Variants in SYN3 observed in about 807,000 individuals in gnomAD.
SYN3 encodes synapsin-3.
A neutral mutation model predicts 65.8 loss-of-function variants in SYN3; 35 were observed. The observed-to-expected ratio is 0.53, with a 90% CI of 0.41 to 0.70. The LOEUF (loss-of-function observed/expected upper bound fraction) is 0.70, where lower values mean the gene tolerates loss of function less well. Among genes scored for constraint, SYN3 ranks in the 30% least tolerant of loss-of-function variants. The pLI is 0.00. For synonymous variants in SYN3, 270 were observed against 292.9 expected, an observed-to-expected ratio of 0.92 and a Z score of 0.80; for missense variants, 680 against 749.0, an observed-to-expected ratio of 0.91 and a Z score of 1.08.
At chr22:32,984,620 T>G (rs1390656061) in intron 2 of SYN3, among the ~76,000 whole-genome samples, 1 of 152,066 alleles carries the variant, frequency 6.6e-6, no homozygotes, top group Non-Finnish European at 1.5e-5. Context: ...ATTTGTAGGG[T>G]CTTGGTGGGA....
chr22:32,965,489 A>G (rs2051801834), intron 3 of SYN3, among the ~76,000 whole-genome samples: 1 of 151,988 alleles, frequency 6.6e-6, no homozygotes, highest in South Asian at 2.1e-4. Context: ...AGTCTACCAT[A>G]GCACTGTGTA....
At chr22:32,892,166 C>T (rs7284795) in intron 4 of SYN3, among the ~76,000 whole-genome samples, 2,041 of 152,116 alleles carry the variant, frequency 0.013, 41 homozygotes, top group African/African-American at 0.047. Context: ...CATGGTGGCA[C>T]ACGCCTGTAA....
chr22:32,795,485 C>T (rs1246182290), intron 6 of SYN3, among the ~76,000 whole-genome samples: 2 of 152,102 alleles, frequency 1.3e-5, no homozygotes, highest in Admixed American at 6.6e-5. Context: ...ACCTGGAGTC[C>T]GAGGAGGCCA....
rs1286869159 is a variant in SYN3 at position 32,508,281 on chromosome 22, C to T, written c.*5411G>A. On this transcript the variant is annotated 3_prime_UTR_variant, in exon 14 of 14. Transcript: ENST00000358763. ...ATTTCCTTCTTCTGGCTCAGAAGCTCCCGCACTGAGCACCTTGTGACCCCC... is the reference window on the plus strand; with the variant it reads ...ATTTCCTTCTTCTGGCTCAGAAGCTTCCGCACTGAGCACCTTGTGACCCCC... Among the ~76,000 whole-genome samples, 1 of 152,164 alleles carries T rather than the reference C, an allele frequency of 6.6e-6. No individual in the cohort carries two copies. Among genetic ancestry groups the T allele is most frequent in the Non-Finnish European group, 1.5e-5 (1 of 68,040 alleles).
chr22:32,930,772 A>T lies in SYN3; in HGVS notation c.461+618T>A, dbSNP rs77141696. On this transcript the variant is annotated intron_variant, in intron 4 of 13. Transcript: ENST00000358763. ...TAACTAGATAGCAATGTATTCATAC[A>T]TGTGTTTATCTCGCCTATGGATTTA... 7.2e-4 allele frequency among the ~76,000 whole-genome samples: 110 copies of T among 152,312 alleles called. 2 individuals are homozygous for T. Among genetic ancestry groups the T allele is most frequent in the Non-Finnish European group, 1.3e-3 (88 of 68,030 alleles).
chr22:32,673,452 C>T (rs1041911451), intron 6 of SYN3, among the ~76,000 whole-genome samples: 23 of 152,346 alleles, frequency 1.5e-4, no homozygotes, highest in Admixed American at 2.6e-4. Flanking sequence ...ACGACCAAGC[C>T]TGTCTTCCAT....
intron 6 of SYN3, among the ~76,000 whole-genome samples, chr22:32,617,952 T>A (rs2059543109): frequency 6.6e-6 from 1 of 151,988 alleles, no homozygotes; most frequent in Non-Finnish European, 1.5e-5. Context: ...CTATTGTGAT[T>A]ACTTATCACA....
intron 6 of SYN3, among the ~76,000 whole-genome samples, chr22:32,858,699 T>C (rs1440044598): frequency 6.6e-6 from 1 of 152,196 alleles, no homozygotes; most frequent in Non-Finnish European, 1.5e-5. Flanking sequence ...GTGGTTTTAA[T>C]TACTATGATC....
intron 1 of SYN3, among the ~76,000 whole-genome samples, chr22:33,029,948 C>T (rs2053719741): frequency 6.6e-6 from 1 of 152,182 alleles, no homozygotes; most frequent in Non-Finnish European, 1.5e-5. Context: ...CCTCTCTTGG[C>T]ATGCCCTTCC....
intron 6 of SYN3, among the ~76,000 whole-genome samples, chr22:32,667,100 A>G (rs2147042523): frequency 6.6e-6 from 1 of 152,324 alleles, no homozygotes; most frequent in South Asian, 2.1e-4. Flanking sequence ...TTTTATTCAC[A>G]GACTTTAGAA....
In SYN3 at chr22:32,931,411, C is replaced by T; in HGVS notation, c.440G>A (p.Arg147Lys). The change falls in exon 4 of 14, where the codon AGA becomes AAA. Residue 147 changes from arginine (R) to lysine (K), a missense_variant. Coordinates refer to ENST00000358763, the MANE Select transcript of SYN3 (RefSeq NM_003490.4). Reference sequence around the variant, plus strand: ...TTACCTCACCACTTTGGTCCCATTTCTCACGACCTGCATGTCCACCATGCA... The same window carrying T: ...TTACCTCACCACTTTGGTCCCATTTTTCACGACCTGCATGTCCACCATGCA... The part of the protein sequence containing the change: ...GGCMVDMQVV[R>K]NGTKVVSRSF... 6.2e-7 allele frequency: 1 copy of T among 1,613,642 alleles called. No individual in the cohort carries two copies. Among genetic ancestry groups the T allele is most frequent in the Non-Finnish European group, 8.5e-7 (1 of 1,179,586 alleles).
chr22:32,677,873 TG>T (rs2060468743), intron 6 of SYN3, among the ~76,000 whole-genome samples: 2 of 152,002 alleles, frequency 1.3e-5, no homozygotes, highest in African/African-American at 4.8e-5. Flanking sequence ...GAGAGAAGTG[TG>T]TGTGTGTGTA....
At chr22:32,679,044 C>CTATCT (rs2060485420) in intron 6 of SYN3, among the ~76,000 whole-genome samples, 1 of 115,948 alleles carries the variant, frequency 8.6e-6, no homozygotes, top group East Asian at 2.5e-4. Context: ...TTCTTTGTTT[C>CTATCT]TTTCTTTTTT....
chr22:32,663,937 C>T (rs1328090768), intron 6 of SYN3, among the ~76,000 whole-genome samples: 1 of 136,630 alleles, frequency 7.3e-6, no homozygotes, highest in African/African-American at 3.1e-5. Context: ...GCATTCCCCC[C>T]CCACACTGCA....
intron 4 of SYN3, among the ~76,000 whole-genome samples, chr22:32,878,505 T>G (rs2049038507): frequency 6.6e-6 from 1 of 152,146 alleles, no homozygotes; most frequent in Non-Finnish European, 1.5e-5. Context: ...CCCAGCCTAG[T>G]CCAGGGTCCA....
At chr22:32,532,411 C>G (rs1221871401) in intron 10 of SYN3, among the ~76,000 whole-genome samples, 2 of 152,296 alleles carry the variant, frequency 1.3e-5, no homozygotes, top group Non-Finnish European at 2.9e-5. Context: ...TTCCCAGCCC[C>G]TTCCATGGCT....
chr22:32,790,725 C>G (rs933286055), intron 6 of SYN3, among the ~76,000 whole-genome samples: 2 of 151,990 alleles, frequency 1.3e-5, no homozygotes, highest in Non-Finnish European at 2.9e-5. Context: ...CTGTGCCCAG[C>G]CAAAATTTTA....
At chr22:32,996,378 G>C (rs1412988283) in intron 2 of SYN3, among the ~76,000 whole-genome samples, 1 of 152,118 alleles carries the variant, frequency 6.6e-6, no homozygotes, top group Non-Finnish European at 1.5e-5. Context: ...GAGGAACTCG[G>C]CACTCTCACT....
intron 6 of SYN3, among the ~76,000 whole-genome samples, chr22:32,809,375 T>A (rs1199317913): frequency 6.6e-6 from 1 of 152,232 alleles, no homozygotes; most frequent in East Asian, 1.9e-4. Context: ...AGTCTGCTTA[T>A]CTTTGGTTTT....
Sources: gnomAD v4.1 joint callset for allele counts (sites outside exome capture counted in the v4.1 genomes callset) on GRCh38, gnomAD v4.1.1 for gene constraint, MANE v1.5 for transcripts, NCBI Gene and HGNC (gene_info 2026-07-23, HGNC 2026-07-21) for gene names.